EIF4G3: variants seen among roughly 807,000 people sequenced by gnomAD.
EIF4G3 encodes the protein eIF-4-gamma 3.
Under a neutral mutation model 186.4 loss-of-function variants are expected in EIF4G3, and 34 were observed. The observed-to-expected ratio is 0.18, with a 90% confidence interval of 0.14 to 0.24. EIF4G3 has a LOEUF of 0.24. Ranked by LOEUF, EIF4G3 falls within the 10% of genes least tolerant of loss-of-function variation. EIF4G3 has a pLI of 1.00. For synonymous variants in EIF4G3, 673 were observed against 679.5 expected (o/e 0.99, Z 0.15); for missense variants, 1,536 against 1,948.5 (o/e 0.79, Z 3.99).
chr1:20,935,090 T>C (rs952107055), intron 14 of EIF4G3, among the ~76,000 whole-genome samples: 1 of 152,194 alleles, frequency 6.6e-6, no homozygotes, highest in African/African-American at 2.4e-5. Context: ...TGTTTCACTA[T>C]GAACCTAGGT....
intron 19 of EIF4G3, among the ~76,000 whole-genome samples, chr1:20,883,785 A>T (rs2083198177): frequency 6.6e-6 from 1 of 152,184 alleles, no homozygotes; most frequent in Non-Finnish European, 1.5e-5. Context: ...AATTGAGAGA[A>T]CAAGCTGGAA....
Position 20,886,321 on chromosome 1 carries a change from G to A in EIF4G3, c.2304C>T (p.Pro768=). The A allele has an allele frequency of 6.2e-7, 1 of 1,613,818 alleles. No individual in the cohort carries two copies. Among genetic ancestry groups the A allele is most frequent in the South Asian group, 1.1e-5 (1 of 91,052 alleles). Reference sequence around the variant, plus strand: ...TTACAGAAACTGTGATGATCTTTCTGGGTTCTCTTCTTTGGCCAGGTTGAG... The same window carrying A: ...TTACAGAAACTGTGATGATCTTTCTAGGTTCTCTTCTTTGGCCAGGTTGAG... ...RRSQPGQRRE[P]RKIITVSVKE... Residue 768 remains proline (P), a synonymous_variant, in exon 19 of 37, where the codon CCC becomes CCT. Coordinates refer to ENST00000602326, the MANE Select transcript of EIF4G3 (RefSeq NM_001391906.1).
intron 2 of EIF4G3, among the ~76,000 whole-genome samples, chr1:21,119,754 G>A (rs1051837471): frequency 1.3e-5 from 2 of 152,058 alleles, no homozygotes; most frequent in Non-Finnish European, 2.9e-5. Context: ...GGCTATAAAA[G>A]AGAAAGGACT....
chr1:21,070,344 C>T (rs2095406681), intron 3 of EIF4G3, among the ~76,000 whole-genome samples: 1 of 152,122 alleles, frequency 6.6e-6, no homozygotes, highest in Non-Finnish European at 1.5e-5. Context: ...AAATCCCACT[C>T]CACTCCCTAT....
chr1:21,034,233 T>C (rs1201024791), intron 4 of EIF4G3, among the ~76,000 whole-genome samples: 2 of 152,244 alleles, frequency 1.3e-5, no homozygotes, highest in Non-Finnish European at 2.9e-5. Context: ...GGGACATTAG[T>C]ACTTGAAAAT....
chr1:21,098,068 G>A (rs966617172), intron 2 of EIF4G3, among the ~76,000 whole-genome samples: 1 of 151,986 alleles, frequency 6.6e-6, no homozygotes, highest in Admixed American at 6.6e-5. Context: ...TAGCAAGCAA[G>A]GCCTTGTCTC....
intron 7 of EIF4G3, among the ~76,000 whole-genome samples, chr1:20,995,525 C>T (rs2082102999): frequency 6.6e-6 from 1 of 152,092 alleles, no homozygotes; most frequent in South Asian, 2.1e-4. Flanking sequence ...GTGCCCACCA[C>T]CACGCCCGGC....
chr1:20,902,505 C>T (rs938380317), intron 15 of EIF4G3, among the ~76,000 whole-genome samples: 2 of 152,114 alleles, frequency 1.3e-5, no homozygotes, highest in African/African-American at 4.8e-5. Context: ...GAAATGAAGA[C>T]AATGGCATCC....
chr1:20,935,733 A>G (rs1180710159), intron 14 of EIF4G3, among the ~76,000 whole-genome samples: 1 of 152,210 alleles, frequency 6.6e-6, no homozygotes, highest in African/African-American at 2.4e-5. Context: ...GCAATCAGGA[A>G]AAGTTCTCAA....
chr1:20,858,602 T>C (rs549329575), intron 24 of EIF4G3, among the ~76,000 whole-genome samples: 23 of 152,208 alleles, frequency 1.5e-4, no homozygotes, highest in Non-Finnish European at 2.6e-4. Flanking sequence ...TTTATTTAAG[T>C]ATTTATTATT....
chr1:20,998,235 ACACACACACACAC>A (rs1387036179), intron 6 of EIF4G3, among the ~76,000 whole-genome samples: 3 of 151,496 alleles, frequency 2.0e-5, no homozygotes, highest in Non-Finnish European at 4.4e-5. Context: ...ACACACACAC[ACACACACACACAC>A]AAGTTTAAGT....
At chr1:20,873,469 G>A (rs1404408730) in intron 20 of EIF4G3, among the ~76,000 whole-genome samples, 1 of 152,136 alleles carries the variant, frequency 6.6e-6, no homozygotes, top group Non-Finnish European at 1.5e-5. Flanking sequence ...ATCAGTATGC[G>A]AGAGTTCTTG....
At chr1:21,036,039 G>A (rs1424726623) in intron 4 of EIF4G3, among the ~76,000 whole-genome samples, 1 of 150,732 alleles carries the variant, frequency 6.6e-6, no homozygotes, top group East Asian at 2.0e-4. Context: ...TGCAAACACT[G>A]GAATGACCTG....
intron 28 of EIF4G3, among the ~76,000 whole-genome samples, chr1:20,849,888 A>G (rs900753047): frequency 6.6e-6 from 1 of 152,074 alleles, no homozygotes; most frequent in African/African-American, 2.4e-5. Flanking sequence ...AGCCACACTG[A>G]TCTTGGGCAG....
chr1:21,175,275 A>G (rs931116347), intron 2 of EIF4G3: 2 of 152,180 alleles, frequency 1.3e-5, no homozygotes, highest in African/African-American at 4.8e-5. Context: ...TTTTGACTAA[A>G]ATACCCCATC....
intron 2 of EIF4G3, among the ~76,000 whole-genome samples, chr1:21,164,220 T>C (rs577009654): frequency 6.6e-6 from 1 of 152,318 alleles, no homozygotes; most frequent in South Asian, 2.1e-4. Flanking sequence ...ATTTCAATTA[T>C]TCACAGGACA....
intron 2 of EIF4G3, among the ~76,000 whole-genome samples, chr1:21,120,323 AAACT>A (rs1435514617): frequency 6.6e-6 from 1 of 151,910 alleles, no homozygotes; most frequent in Admixed American, 6.6e-5. Context: ...GTCAAATCAT[AAACT>A]AACAATAGCA....
chr1:20,820,487 CAGGAGGCAGACAG>C (rs2062066714), intron 33 of EIF4G3, among the ~76,000 whole-genome samples: 1 of 152,176 alleles, frequency 6.6e-6, no homozygotes, highest in African/African-American at 2.4e-5. Context: ...TGAATGGCAG[CAGGAGGCAGACAG>C]AGTCCTGGGT....
At chr1:20,990,589 A>C (rs896555421) in intron 7 of EIF4G3, among the ~76,000 whole-genome samples, 2 of 152,116 alleles carry the variant, frequency 1.3e-5, no homozygotes, top group Admixed American at 6.5e-5. Context: ...GAATTGCTTG[A>C]ACCCGGGAGG....
Sources: gnomAD v4.1 joint callset for allele counts (sites outside exome capture counted in the v4.1 genomes callset) on GRCh38, gnomAD v4.1.1 for gene constraint, MANE v1.5 for transcripts, NCBI Gene and HGNC (gene_info 2026-07-23, HGNC 2026-07-21) for gene names.